DGKB: variants seen among roughly 807,000 people sequenced by gnomAD.
DGKB encodes the protein diacylglycerol kinase beta.
In DGKB, 67 loss-of-function variants were observed where a neutral mutation model predicts 114.3. The ratio of observed to expected loss-of-function variants is 0.59; its 90% confidence interval spans 0.48 to 0.72. The LOEUF is 0.72. DGKB is among the 30% of genes least tolerant of loss of function. The probability of loss-of-function intolerance (pLI) is 0.00; values close to 1 mark genes in which losing one functional copy is unlikely to be tolerated. For synonymous variants in DGKB, 398 were observed against 323.1 expected (o/e 1.23, Z -2.49); for missense variants, 907 against 975.2 (o/e 0.93, Z 0.93).
intron 23 of DGKB, among the ~76,000 whole-genome samples, chr7:14,261,474 A>C (rs890565052): frequency 1.3e-5 from 2 of 152,178 alleles, no homozygotes; most frequent in Non-Finnish European, 2.9e-5. Context: ...AGGATGAGTG[A>C]GGAACAGAAC....
intron 9 of DGKB, among the ~76,000 whole-genome samples, chr7:14,689,786 A>G (rs1055314700): frequency 2.6e-5 from 4 of 152,224 alleles, no homozygotes; most frequent in Non-Finnish European, 5.9e-5. Flanking sequence ...ACTTTTAAAA[A>G]TCGATGTGCT....
intron 13 of DGKB, among the ~76,000 whole-genome samples, chr7:14,671,388 A>C (rs1453851889): frequency 6.6e-6 from 1 of 152,182 alleles, no homozygotes; most frequent in African/African-American, 2.4e-5. Context: ...AAAAATGGTA[A>C]ACAACAAATG....
chr7:14,811,467 A>G (rs551151603), intron 2 of DGKB, among the ~76,000 whole-genome samples: 206 of 152,258 alleles, frequency 1.4e-3, no homozygotes, highest in African/African-American at 4.6e-3. Flanking sequence ...GCTTTTAAAC[A>G]TTGGCTTTTC....
intron 1 of DGKB, among the ~76,000 whole-genome samples, chr7:14,855,043 G>C (rs1438167914): frequency 1.3e-5 from 2 of 151,976 alleles, no homozygotes; most frequent in African/African-American, 2.4e-5. Flanking sequence ...TATTATAAAG[G>C]CTCTAATGTA....
chr7:14,724,117 G>A (rs1829671010), intron 5 of DGKB, among the ~76,000 whole-genome samples: 1 of 152,122 alleles, frequency 6.6e-6, no homozygotes, highest in Non-Finnish European at 1.5e-5. Flanking sequence ...AAATTTATAA[G>A]GCAATACAAC....
chr7:14,826,016 A>C (rs370240450), intron 2 of DGKB, among the ~76,000 whole-genome samples: 38 of 152,258 alleles, frequency 2.5e-4, no homozygotes, highest in Non-Finnish European at 4.9e-4. Flanking sequence ...TAACTTCAGC[A>C]TTTCTCCTTA....
chr7:14,788,957 CCT>C (rs775057633), intron 2 of DGKB, among the ~76,000 whole-genome samples: 31 of 152,088 alleles, frequency 2.0e-4, no homozygotes, highest in Non-Finnish European at 3.8e-4. Flanking sequence ...GATAAAGCCC[CCT>C]CTGTGTCACA....
chr7:14,643,057 C>T (rs1052649557), intron 13 of DGKB, among the ~76,000 whole-genome samples: 2 of 152,082 alleles, frequency 1.3e-5, no homozygotes, highest in East Asian at 3.9e-4. Context: ...AAATAAATAA[C>T]CACAAATCAA....
chr7:14,952,207 T>C (rs1483398178), intron 1 of DGKB, among the ~76,000 whole-genome samples: 1 of 152,052 alleles, frequency 6.6e-6, no homozygotes, highest in African/African-American at 2.4e-5. Context: ...CTGGAACAGA[T>C]TCTTCCTCAG....
intron 15 of DGKB, among the ~76,000 whole-genome samples, chr7:14,619,142 CTT>C (rs1807133047): frequency 6.6e-6 from 1 of 151,264 alleles, no homozygotes; most frequent in Non-Finnish European, 1.5e-5. Flanking sequence ...TATATACCAA[CTT>C]TTTTTAATTC....
chr7:14,886,982 T>A (rs1164787740), intron 1 of DGKB, among the ~76,000 whole-genome samples: 1 of 151,922 alleles, frequency 6.6e-6, no homozygotes, highest in East Asian at 1.9e-4. Context: ...CTCTTTATTA[T>A]CTCGTTAATA....
intron 1 of DGKB, among the ~76,000 whole-genome samples, chr7:14,882,037 G>A (rs879871424): frequency 5.9e-5 from 9 of 151,462 alleles, no homozygotes; most frequent in Non-Finnish European, 1.0e-4. Flanking sequence ...AGCTTATTTT[G>A]TATTTTTTAT....
At chr7:14,813,418 C>A (rs760650149) in intron 2 of DGKB, among the ~76,000 whole-genome samples, 1 of 152,128 alleles carries the variant, frequency 6.6e-6, no homozygotes, top group Non-Finnish European at 1.5e-5. Context: ...ACAAAGTAAT[C>A]TGCAGCACAA....
intron 20 of DGKB, among the ~76,000 whole-genome samples, chr7:14,509,007 T>C (rs1353865098): frequency 1.3e-5 from 2 of 152,214 alleles, no homozygotes; most frequent in African/African-American, 2.4e-5. Context: ...CTTTCAAAAG[T>C]GAGTCTTTAC....
intron 25 of DGKB, among the ~76,000 whole-genome samples, chr7:14,158,521 TA>T (rs1360704274): frequency 6.6e-6 from 1 of 152,230 alleles, no homozygotes; most frequent in Non-Finnish European, 1.5e-5. Context: ...GCCCAATTTC[TA>T]GACTCAGCCA....
At position 14,746,671 on chromosome 7, in the gene DGKB, G is replaced by A. The variant is rs187976016; in HGVS notation, c.168+7257C>T. 1.6e-3 allele frequency among the ~76,000 whole-genome samples: 237 copies of A among 152,086 alleles called. 1 individual carries two copies. The Middle Eastern group carries it at 0.02, about 13-fold the overall frequency. Reference sequence around the variant, plus strand: ...TCACAACCACGCCCAGCTAATTTTTGTATTTTTAGTAGAGACAGGGTTTCA... The same window carrying A: ...TCACAACCACGCCCAGCTAATTTTTATATTTTTAGTAGAGACAGGGTTTCA... On this transcript the variant is annotated intron_variant, in intron 4 of 25. Transcript: ENST00000402815.
intron 3 of DGKB, 125 bp from the exon 4 acceptor site, chr7:14,754,073 A>G: frequency 1.6e-6 from 1 of 624,040 alleles, no homozygotes; most frequent in Non-Finnish European, 2.8e-6. Flanking sequence ...CACACCCTAG[A>G]TCCATAGGCC....
At chr7:14,363,913 T>C (rs1178502608) in intron 21 of DGKB, among the ~76,000 whole-genome samples, 1 of 152,054 alleles carries the variant, frequency 6.6e-6, no homozygotes, top group African/African-American at 2.4e-5. Context: ...TGAGCTTTGG[T>C]AATTGTGACT....
chr7:14,233,448 T>A (rs1463963099), intron 23 of DGKB, among the ~76,000 whole-genome samples: 1 of 152,050 alleles, frequency 6.6e-6, no homozygotes, highest in Non-Finnish European at 1.5e-5. Flanking sequence ...CAGAATTTCC[T>A]TTTTGCTATC....
Sources: gnomAD v4.1 joint callset for allele counts (sites outside exome capture counted in the v4.1 genomes callset) on GRCh38, gnomAD v4.1.1 for gene constraint, MANE v1.5 for transcripts, NCBI Gene and HGNC (gene_info 2026-07-23, HGNC 2026-07-21) for gene names.